TBC1D30: variants seen among roughly 807,000 people sequenced by gnomAD.
TBC1D30 encodes TBC1 domain family, member 30.
TBC1D30 carries 31 observed loss-of-function variants against 63.2 expected under a neutral mutation model. That is an observed-to-expected ratio of 0.49 (90% CI 0.37 to 0.66). The LOEUF is 0.66. Ranked by LOEUF, TBC1D30 falls within the 30% of genes least tolerant of loss-of-function variation. The probability of loss-of-function intolerance (pLI) is 0.00; values close to 1 mark genes in which losing one functional copy is unlikely to be tolerated. For missense variants in TBC1D30, 810 were observed against 953.6 expected, an observed-to-expected ratio of 0.85 and a Z score of 1.98; for synonymous variants, 307 against 361.5, an observed-to-expected ratio of 0.85 and a Z score of 1.71.
At chr12:64,828,048 A>C (rs970914170) in intron 2 of TBC1D30, among the ~76,000 whole-genome samples, 152 bp downstream of exon 2, 1 of 152,232 alleles carries the variant, frequency 6.6e-6, no homozygotes, top group African/African-American at 2.4e-5. Flanking sequence ...TTGAGCTACA[A>C]GTGGCCTGGG....
intron 1 of TBC1D30, chr12:64,781,360 C>G: frequency 2.9e-6 from 3 of 1,038,686 alleles, no homozygotes; most frequent in Non-Finnish European, 2.3e-6. Context: ...GCCCGCGCTC[C>G]AGCGCGCACC....
chr12:64,792,901 G>C (rs1241911476), intron 2 of TBC1D30, among the ~76,000 whole-genome samples: 2 of 152,174 alleles, frequency 1.3e-5, no homozygotes, highest in Non-Finnish European at 2.9e-5. Flanking sequence ...AATCAACTAG[G>C]TTGGGGGAGA....
upstream of TBC1D30, among the ~76,000 whole-genome samples, chr12:64,821,888 A>G (rs1314419779): frequency 2.0e-5 from 3 of 152,228 alleles, no homozygotes; most frequent in African/African-American, 4.8e-5. Flanking sequence ...CAGTGACTTC[A>G]TTTTCTAAAG....
At chr12:64,777,396 C>T (rs1871113024), upstream of TBC1D30, among the ~76,000 whole-genome samples, 1 of 152,150 alleles carries the variant, frequency 6.6e-6, no homozygotes, top group Non-Finnish European at 1.5e-5. Context: ...AGCTGATAAA[C>T]AACTTCAGCA....
At chr12:64,816,736 T>C (rs1873561450) in intron 2 of TBC1D30, among the ~76,000 whole-genome samples, 1 of 152,200 alleles carries the variant, frequency 6.6e-6, no homozygotes, top group Non-Finnish European at 1.5e-5. Context: ...CAGCATTCTT[T>C]TGTTCCTTTC....
At chr12:64,853,679 T>C (rs1877063712) in intron 8 of TBC1D30, among the ~76,000 whole-genome samples, 1 of 152,188 alleles carries the variant, frequency 6.6e-6, no homozygotes, top group Non-Finnish European at 1.5e-5. Context: ...AAAAGCATAG[T>C]ATCTGGGCCA....
chr12:64,817,390 G>C (rs892843839), intron 2 of TBC1D30, among the ~76,000 whole-genome samples: 1 of 152,176 alleles, frequency 6.6e-6, no homozygotes, highest in Non-Finnish European at 1.5e-5. Context: ...TAAGTAACTT[G>C]CTCAAGGACA....
chr12:64,824,489 G>A (rs1874106738), upstream of TBC1D30: 2 of 187,922 alleles, frequency 1.1e-5, no homozygotes, highest in Admixed American at 6.2e-5. Flanking sequence ...GCGCCCACTG[G>A]CTCCCTGTCT....
intron 2 of TBC1D30, among the ~76,000 whole-genome samples, chr12:64,815,763 C>T (rs982568164): frequency 4.0e-5 from 6 of 151,892 alleles, no homozygotes; most frequent in African/African-American, 9.7e-5. Flanking sequence ...ATGAGAATAA[C>T]GATGTAAAGA....
intron 1 of TBC1D30, among the ~76,000 whole-genome samples, chr12:64,767,371 T>C (rs755630869): frequency 1.3e-5 from 2 of 152,104 alleles, no homozygotes; most frequent in Non-Finnish European, 2.9e-5. Flanking sequence ...GAAATGATCA[T>C]AGCCTACCAC....
chr12:64,852,961 G>A (rs1877001866), intron 8 of TBC1D30, among the ~76,000 whole-genome samples: 1 of 152,208 alleles, frequency 6.6e-6, no homozygotes, highest in Non-Finnish European at 1.5e-5. Context: ...CAGGAGGCAC[G>A]GGAGTCAGGG....
At chr12:64,774,388 A>T (rs930318711) in intron 1 of TBC1D30, among the ~76,000 whole-genome samples, 1 of 152,212 alleles carries the variant, frequency 6.6e-6, no homozygotes, top group Non-Finnish European at 1.5e-5. Flanking sequence ...ATCCCTGAGA[A>T]CTTCCCCAAC....
intron 2 of TBC1D30, among the ~76,000 whole-genome samples, chr12:64,793,908 T>G (rs1415826761): frequency 6.6e-6 from 1 of 152,220 alleles, no homozygotes; most frequent in African/African-American, 2.4e-5. Context: ...GTGGTGGATC[T>G]CTTGTATCCT....
At chr12:64,869,188 G>A (rs914273634) in intron 10 of TBC1D30, among the ~76,000 whole-genome samples, 1 of 152,134 alleles carries the variant, frequency 6.6e-6, no homozygotes, top group African/African-American at 2.4e-5. Context: ...CTGAATAGAT[G>A]TCAGGCACCT....
At chr12:64,855,780 T>C (rs933200631) in intron 8 of TBC1D30, among the ~76,000 whole-genome samples, 1 of 152,242 alleles carries the variant, frequency 6.6e-6, no homozygotes, top group African/African-American at 2.4e-5. Context: ...TCTCTGTTAC[T>C]CCAGGATTGG....
chr12:64,807,187 A>T (rs1158310238), intron 2 of TBC1D30, among the ~76,000 whole-genome samples: 1 of 152,198 alleles, frequency 6.6e-6, no homozygotes, highest in Non-Finnish European at 1.5e-5. Flanking sequence ...GAGTTCTCAC[A>T]AGATCCGATG....
intron 4 of TBC1D30, 120 bp from the exon 5 acceptor site, chr12:64,831,999 C>G: frequency 2.0e-6 from 2 of 1,002,496 alleles, no homozygotes; most frequent in Non-Finnish European, 2.7e-6. Context: ...AAAACATACA[C>G]ATTTTAAAAA....
At chr12:64,794,688 C>G (rs80266385) in intron 2 of TBC1D30, among the ~76,000 whole-genome samples, 4,570 of 152,272 alleles carry the variant, frequency 0.03, 210 homozygotes, top group African/African-American at 0.1. Flanking sequence ...ATCCCCCTAT[C>G]TCGGCCTCCC....
chr12:64,851,398 C>T (rs574781133), intron 8 of TBC1D30, among the ~76,000 whole-genome samples: 1 of 152,276 alleles, frequency 6.6e-6, no homozygotes, highest in East Asian at 1.9e-4. Flanking sequence ...CTTCCTCCAT[C>T]CCTTTATTTT....
Sources: gnomAD v4.1 joint callset for allele counts (sites outside exome capture counted in the v4.1 genomes callset) on GRCh38, gnomAD v4.1.1 for gene constraint, MANE v1.5 for transcripts, NCBI Gene and HGNC (gene_info 2026-07-23, HGNC 2026-07-21) for gene names.